The following TMBIM4 variants were observed in gnomAD, a reference collection of about 807,000 sequenced individuals.
The protein encoded by TMBIM4 is protein lifeguard 4.
Under a neutral mutation model 27.7 loss-of-function variants are expected in TMBIM4, and 28 were observed. The ratio of observed to expected loss-of-function variants is 1.01; its 90% CI spans 0.75 to 1.38. TMBIM4 has a LOEUF of 1.38. Among genes scored for constraint, TMBIM4 ranks in the 40% most tolerant of loss-of-function variants. The probability of loss-of-function intolerance (pLI) is 0.00; values close to 1 mark genes in which losing one functional copy is unlikely to be tolerated. For synonymous variants in TMBIM4, 115 were observed against 113.1 expected, an observed-to-expected ratio of 1.02 and a Z score of -0.11; for missense variants, 265 against 277.5, an observed-to-expected ratio of 0.95 and a Z score of 0.32.
chr12:66,169,649 C>G, intron 1 of TMBIM4: 1 of 463,052 alleles, frequency 2.2e-6, no homozygotes, highest in Non-Finnish European at 3.8e-6. Context: ...CCTCCCACAC[C>G]CGCTAGGAGG....
chr12:66,136,314 C>G lies in TMBIM4; in HGVS notation c.*1646G>C, dbSNP rs145997963. ...ATTCTAATCTAGATGCTCTTACCCA[C>G]CATGCTGTTAAACTTGATTGCACTG... On this transcript the variant is annotated 3_prime_UTR_variant, in exon 7 of 7. Transcript: ENST00000358230. 2.6e-5 allele frequency: 4 copies of G among 152,464 alleles called. No homozygotes were observed. The highest frequency in any genetic ancestry group is 5.9e-5 in the Non-Finnish European group (4 of 68,098). The allele number at this position is 152,464 out of a possible 1,614,324, so 9.4% of individuals were successfully genotyped here. A position where few individuals can be genotyped will look rare whatever the true frequency, so the allele number is the denominator to read the frequency against.
chr12:66,151,295 G>A (rs1248179112), intron 3 of TMBIM4, among the ~76,000 whole-genome samples: 1 of 152,040 alleles, frequency 6.6e-6, no homozygotes, highest in African/African-American at 2.4e-5. Flanking sequence ...GTTTAGTCAC[G>A]TGATCTCAGC....
intron 1 of TMBIM4, among the ~76,000 whole-genome samples, chr12:66,168,235 A>G (rs563343176): frequency 4.9e-4 from 74 of 151,890 alleles, no homozygotes; most frequent in African/African-American, 1.5e-3. Flanking sequence ...AAAAAAAAAA[A>G]GGAAATTCTG....
rs1262878787 is a variant in TMBIM4, at chr12:66,152,374, G to A, written c.209C>T (p.Pro70Leu). 3.8e-6 allele frequency: 6 copies of A among 1,599,744 alleles called. No homozygotes were observed. The highest frequency in any genetic ancestry group is 1.1e-5 in the South Asian group (1 of 89,252). ...GAGGGCAAACAGCAAAATTAAGGCA[G>A]GACTGAAAGACATAATATTAAGTGT... The part of the protein sequence containing the change: ...ESVRTFVHES[P>L]ALILLFALGS... Residue 70 changes from proline to leucine, a missense_variant and splice_region_variant, in exon 3 of 7, where the codon CCT (proline) becomes CTT (leucine). Transcript: ENST00000358230.
chr12:66,148,468 A>C (rs2051787766), intron 3 of TMBIM4, among the ~76,000 whole-genome samples: 1 of 152,204 alleles, frequency 6.6e-6, no homozygotes, highest in Non-Finnish European at 1.5e-5. Flanking sequence ...AGGTCTGACT[A>C]CGTAACGATA....
intron 5 of TMBIM4, chr12:66,144,890 G>A (rs980627126): frequency 9.9e-5 from 15 of 152,102 alleles, no homozygotes; most frequent in African/African-American, 3.4e-4. Context: ...TGAAGAGGCT[G>A]AAATATAAGG....
At chr12:66,165,727 C>T (rs1168334185) in intron 1 of TMBIM4, among the ~76,000 whole-genome samples, 4 of 152,142 alleles carry the variant, frequency 2.6e-5, no homozygotes, top group African/African-American at 7.2e-5. Flanking sequence ...TATTTTCTCC[C>T]AGTATGTAGT....
intron 1 of TMBIM4, among the ~76,000 whole-genome samples, chr12:66,157,422 G>C (rs1460837275): frequency 1.3e-5 from 2 of 152,088 alleles, no homozygotes; most frequent in Non-Finnish European, 2.9e-5. Context: ...CCACAACCTA[G>C]GACAAACTCT....
intron 1 of TMBIM4, chr12:66,169,629 G>A (rs541325477): frequency 1.5e-4 from 69 of 456,696 alleles, no homozygotes; most frequent in Admixed American, 6.0e-4. Flanking sequence ...AAGCCTTCTG[G>A]GCCTGGCGCC....
chr12:66,152,601 GA>G (rs892006011), intron 2 of TMBIM4, among the ~76,000 whole-genome samples: 4 of 151,938 alleles, frequency 2.6e-5, no homozygotes, highest in Non-Finnish European at 5.9e-5. Context: ...ATGAATGGGG[GA>G]AACTTTTTCT....
At chr12:66,155,295 A>G (rs2051912380) in intron 1 of TMBIM4, among the ~76,000 whole-genome samples, 1 of 139,720 alleles carries the variant, frequency 7.2e-6, no homozygotes, top group Non-Finnish European at 1.6e-5. Context: ...GCAGCTGGGA[A>G]TACAGGCCCA....
chr12:66,136,367 AATG>A lies in TMBIM4; in HGVS notation c.*1590_*1592del, dbSNP rs1483712324. The A allele has an allele frequency of 6.5e-6, 1 of 153,696 alleles. No individual in the cohort carries two copies. The highest frequency in any genetic ancestry group is 1.9e-4 in the East Asian group (1 of 5,204). 9.5% of individuals were successfully genotyped at this position (153,696 alleles called of 1,614,324 possible). On this transcript the variant is annotated 3_prime_UTR_variant, in exon 7 of 7. Coordinates refer to ENST00000358230, the MANE Select transcript of TMBIM4 (RefSeq NM_016056.4). ...TCATACACTTGATAATTCAACAGTT[AATG>A]ATAATAAAGTCAAATTTACATCTAC...
chr12:66,141,271 T>C (rs915213104), intron 5 of TMBIM4, among the ~76,000 whole-genome samples: 5 of 152,092 alleles, frequency 3.3e-5, no homozygotes, highest in Non-Finnish European at 7.4e-5. Context: ...AAAATAATAA[T>C]GTATTATGGA....
rs963270224 is a variant in TMBIM4 at position 66,149,860 on chromosome 12, ATCTG to A, written c.313-1923_313-1920del. Among the ~76,000 whole-genome samples the A allele has an allele frequency of 3.5e-4, 51 of 146,474 alleles. No individual in the cohort carries two copies. In the South Asian group the frequency reaches 5.8e-3, roughly 17 times the overall value. On this transcript the variant is annotated intron_variant, in intron 3 of 6. Transcript: ENST00000358230. ...ATTCTAAGTTGAGGACTATCTATCT[ATCTG>A]TCTGTCTGTCTATGTGCATGCATAC...
At chr12:66,157,472 G>A (rs1432026174) in intron 1 of TMBIM4, among the ~76,000 whole-genome samples, 1 of 152,118 alleles carries the variant, frequency 6.6e-6, no homozygotes, top group South Asian at 2.1e-4. Flanking sequence ...CAGAAACTGA[G>A]ATAATGTTTA....
intron 5 of TMBIM4, among the ~76,000 whole-genome samples, chr12:66,144,525 C>T (rs1468644285): frequency 6.6e-6 from 1 of 152,112 alleles, no homozygotes; most frequent in African/African-American, 2.4e-5. Flanking sequence ...TCACCACAAG[C>T]TATCCCTTTG....
intron 1 of TMBIM4, among the ~76,000 whole-genome samples, chr12:66,157,089 A>C (rs756557470): frequency 6.6e-6 from 1 of 152,170 alleles, no homozygotes; most frequent in Non-Finnish European, 1.5e-5. Flanking sequence ...AATATACTAT[A>C]TATCTGTTGT....
intron 4 of TMBIM4, among the ~76,000 whole-genome samples, chr12:66,147,089 A>C (rs1414813551): frequency 1.3e-5 from 2 of 152,078 alleles, no homozygotes; most frequent in African/African-American, 2.4e-5. Flanking sequence ...TATTAATAAT[A>C]CTTCCTTTCT....
intron 5 of TMBIM4, chr12:66,139,557 G>A (rs1432482789): frequency 2.2e-6 from 1 of 453,580 alleles, no homozygotes; most frequent in Non-Finnish European, 4.4e-6. Flanking sequence ...CCAGCGTGTA[G>A]GGATAAGAAC....
Sources: allele counts gnomAD v4.1 joint callset (sites outside exome capture counted in the v4.1 genomes callset), GRCh38; gene constraint gnomAD v4.1.1; transcripts MANE v1.5; gene names NCBI Gene and HGNC (gene_info 2026-07-23, HGNC 2026-07-21).